GALNT10: variants seen among roughly 807,000 people sequenced by gnomAD.
GALNT10 encodes the protein GalNAc transferase 10.
A neutral mutation model predicts 75.0 loss-of-function variants in GALNT10; 41 were observed. The ratio of observed to expected loss-of-function variants is 0.55; its 90% CI spans 0.43 to 0.71. The LOEUF (loss-of-function observed/expected upper bound fraction) is 0.71. GALNT10 is among the 30% of genes least tolerant of loss of function. The probability of loss-of-function intolerance (pLI) is 0.00; values close to 1 mark genes in which losing one functional copy is unlikely to be tolerated. For missense variants in GALNT10, 727 were observed against 818.5 expected (o/e 0.89, Z 1.36); for synonymous variants, 302 against 313.0 (o/e 0.96, Z 0.37).
chr5:154,238,897 CT>C (rs1753289603), intron 1 of GALNT10, among the ~76,000 whole-genome samples: 3 of 152,168 alleles, frequency 2.0e-5, no homozygotes, highest in Admixed American at 2.0e-4. Context: ...GTTCGGCAAA[CT>C]TTGTATTTGA....
In GALNT10 at chr5:154,402,268, T is replaced by C. The variant is rs537365698; in HGVS notation, c.1057-1836T>C. Among the ~76,000 whole-genome samples, 2 of 152,310 alleles carry C rather than the reference T, an allele frequency of 1.3e-5. No individual in the cohort carries two copies. Among genetic ancestry groups the C allele is most frequent in the East Asian group, 3.9e-4 (2 of 5,178 alleles). ...TTTCTCCCTCTGCTCCTGCCCTGGCTTTCTTTTTGATTATGCCAAGCTTGG... is the reference window on the plus strand; with the variant it reads ...TTTCTCCCTCTGCTCCTGCCCTGGCCTTCTTTTTGATTATGCCAAGCTTGG... On this transcript the variant is annotated intron_variant, in intron 7 of 11. Transcript: ENST00000297107. The surrounding 1 kb of genome is among the most constrained non-coding windows in gnomAD (Gnocchi z 4.2).
chr5:154,305,474 T>G (rs1241982904), intron 3 of GALNT10, among the ~76,000 whole-genome samples: 1 of 152,188 alleles, frequency 6.6e-6, no homozygotes, highest in Non-Finnish European at 1.5e-5. Context: ...AGAAACACAC[T>G]TTAAATGTAG....
At chr5:154,197,918 C>A (rs947977584) in intron 1 of GALNT10, among the ~76,000 whole-genome samples, 1 of 152,134 alleles carries the variant, frequency 6.6e-6, no homozygotes, top group Non-Finnish European at 1.5e-5. Context: ...AGTGCTGAGT[C>A]CTTAACCACC....
chr5:154,412,837 TG>T lies in GALNT10; in HGVS notation c.1387-49del. 8.1e-7 allele frequency: 1 copy of T among 1,232,812 alleles called. No individual in the cohort carries two copies. The highest frequency in any genetic ancestry group is 1.2e-6 in the Non-Finnish European group (1 of 833,626). The allele number at this position is 1,232,812 out of a possible 1,614,324, so 76.4% of individuals were successfully genotyped here. A position where few individuals can be genotyped will look rare whatever the true frequency, so the allele number is the denominator to read the frequency against. On this transcript the variant is annotated intron_variant, in intron 9 of 11. Coordinates refer to ENST00000297107, the MANE Select transcript of GALNT10 (RefSeq NM_198321.4). This position sits in a 1 kb window ranked among gnomAD's most constrained non-coding sequence, Gnocchi z 4.2. ...CCCCTTTCACCTGGCAGGGACCCGGTGGGCACCTTAAGGCACCTCAGTGGTC... is the reference window on the plus strand; with the variant it reads ...CCCCTTTCACCTGGCAGGGACCCGGTGGCACCTTAAGGCACCTCAGTGGTC...
chr5:154,390,287 T>A lies in GALNT10; in HGVS notation c.1056+3857T>A, dbSNP rs1755873587. Reference sequence around the variant, plus strand: ...TGGCCCCCCATGTCTCTCGCCTGAGTCACTAATTCCATCAAAGATAAATGA... The same window carrying A: ...TGGCCCCCCATGTCTCTCGCCTGAGACACTAATTCCATCAAAGATAAATGA... On this transcript the variant is annotated intron_variant, in intron 7 of 11. Coordinates refer to ENST00000297107, the MANE Select transcript of GALNT10 (RefSeq NM_198321.4). 3.2e-5 allele frequency among the ~76,000 whole-genome samples: 3 copies of A among 94,594 alleles called. No individual in the cohort carries two copies. In the Admixed American group the frequency reaches 3.2e-4, roughly 10 times the overall value. The allele number at this position is 94,594 out of a possible 152,430, so 62.1% of individuals were successfully genotyped here. A position where few individuals can be genotyped will look rare whatever the true frequency, so the allele number is the denominator to read the frequency against.
intron 3 of GALNT10, among the ~76,000 whole-genome samples, chr5:154,307,078 A>G (rs1754445536): frequency 6.6e-6 from 1 of 152,354 alleles, no homozygotes; most frequent in African/African-American, 2.4e-5. Flanking sequence ...TAGATTCTAT[A>G]ACTATTAAGA....
In GALNT10 at chr5:154,381,237, C is replaced by G. The variant is rs149558882; in HGVS notation, c.938+606C>G. ...AGGGGAGGGTGATGGGCTGGACTCA[C>G]AGCATCCTAGAATGTGAAGGCTGGA... On this transcript the variant is annotated intron_variant, in intron 6 of 11. Transcript: ENST00000297107. Among the ~76,000 whole-genome samples, 295 of 152,280 alleles carry G rather than the reference C, an allele frequency of 1.9e-3. 1 individual carries two copies. The highest frequency in any genetic ancestry group is 6.7e-3 in the African/African-American group (278 of 41,554).
rs1479840493 is a variant in GALNT10, at chr5:154,402,445, C to T, written c.1057-1659C>T. Among the ~76,000 whole-genome samples, 2 of 152,248 alleles carry T rather than the reference C, an allele frequency of 1.3e-5. No individual in the cohort carries two copies. The highest frequency in any genetic ancestry group is 4.8e-5 in the African/African-American group (2 of 41,464). On this transcript the variant is annotated intron_variant, in intron 7 of 11. Coordinates refer to ENST00000297107, the MANE Select transcript of GALNT10 (RefSeq NM_198321.4). The surrounding 1 kb of genome is among the most constrained non-coding windows in gnomAD (Gnocchi z 4.2). ...AGCATCTCTCACATCCCATACACCC[C>T]TACAACGAATCTATGCAATGGCCCT...
chr5:154,345,802 A>AT lies in GALNT10; in HGVS notation c.568+16078dup, dbSNP rs35697160. On this transcript the variant is annotated intron_variant, in intron 4 of 11. Coordinates refer to ENST00000297107, the MANE Select transcript of GALNT10 (RefSeq NM_198321.4). Reference sequence around the variant, plus strand: ...AGGCCTGCACCACTACACCCGGCGAATTTTTTTTTTTTTTGTATTTTTTGT... The same window carrying AT: ...AGGCCTGCACCACTACACCCGGCGAATTTTTTTTTTTTTTTGTATTTTTTGT... Among the ~76,000 whole-genome samples the AT allele has an allele frequency of 3.3e-3, 455 of 139,796 alleles. 8 individuals carry two copies. The highest frequency in any genetic ancestry group is 0.01 in the African/African-American group (380 of 37,684). 91.7% of individuals were successfully genotyped at this position (139,796 alleles called of 152,430 possible). A position where few individuals can be genotyped will look rare whatever the true frequency, so the allele number is the denominator to read the frequency against.
At chr5:154,340,529 T>C (rs1019545060) in intron 4 of GALNT10, among the ~76,000 whole-genome samples, 1 of 152,184 alleles carries the variant, frequency 6.6e-6, no homozygotes, top group African/African-American at 2.4e-5. Context: ...ATATGTCTAA[T>C]AGGTATGTTC....
chr5:154,308,048 CT>C (rs35746054), intron 3 of GALNT10, among the ~76,000 whole-genome samples: 59,080 of 143,646 alleles, frequency 0.41, 12,522 homozygotes, highest in Middle Eastern at 0.45. Flanking sequence ...TATCTGGTAT[CT>C]TTTTTTTTTA....
At chr5:154,286,385 GTT>G (rs57576993) in intron 1 of GALNT10, among the ~76,000 whole-genome samples, 24,861 of 139,048 alleles carry the variant, frequency 0.18, 2,163 homozygotes, top group African/African-American at 0.2. Flanking sequence ...GAGTCGATTT[GTT>G]TTTTTTTTTT....
Position 154,412,746 on chromosome 5 carries a change from C to A in GALNT10, c.1387-143C>A, listed in dbSNP as rs1756424328. Reference sequence around the variant, plus strand: ...ATTGAGAGGCTCAAGGTACTTCCAACAGCCCAGGGCAAGCTTTATCAAGAC... The same window carrying A: ...ATTGAGAGGCTCAAGGTACTTCCAAAAGCCCAGGGCAAGCTTTATCAAGAC... On this transcript the variant is annotated intron_variant, in intron 9 of 11. Coordinates refer to ENST00000297107, the MANE Select transcript of GALNT10 (RefSeq NM_198321.4). The surrounding 1 kb of genome is among the most constrained non-coding windows in gnomAD (Gnocchi z 4.2). The A allele has an allele frequency of 1.4e-6, 1 of 707,398 alleles. No individual in the cohort carries two copies. The highest frequency in any genetic ancestry group is 2.0e-5 in the Admixed American group (1 of 51,248). 43.8% of individuals were successfully genotyped at this position (707,398 alleles called of 1,614,324 possible). A position where few individuals can be genotyped will look rare whatever the true frequency, so the allele number is the denominator to read the frequency against.
chr5:154,413,533 G>A (rs1290532279), intron 10 of GALNT10, among the ~76,000 whole-genome samples: 1 of 152,210 alleles, frequency 6.6e-6, no homozygotes, highest in Non-Finnish European at 1.5e-5. Context: ...GGTGATGGGT[G>A]TGTTCATTAC....
chr5:154,194,664 C>T (rs1430415638), intron 1 of GALNT10, among the ~76,000 whole-genome samples: 1 of 152,212 alleles, frequency 6.6e-6, no homozygotes, highest in Admixed American at 6.5e-5. Flanking sequence ...TTGGATTCCT[C>T]ATCTGCTAAG....
intron 1 of GALNT10, among the ~76,000 whole-genome samples, chr5:154,219,314 G>A (rs1752932948): frequency 6.6e-6 from 1 of 152,226 alleles, no homozygotes; most frequent in South Asian, 2.1e-4. Context: ...CTCAGCCTGA[G>A]TGGGTTCCTG....
chr5:154,229,554 C>A lies in GALNT10; in HGVS notation c.159+38529C>A, dbSNP rs1753115287. On this transcript the variant is annotated intron_variant, in intron 1 of 11. Transcript: ENST00000297107. ...CCATCTTGGCTAACATGGTGAAACC[C>A]CATCTCTACTAAAAATACAAAAAAA... 2.0e-5 allele frequency among the ~76,000 whole-genome samples: 3 copies of A among 151,670 alleles called. No individual in the cohort carries two copies. The South Asian group carries it at 6.3e-4, about 32-fold the overall frequency.
At chr5:154,253,241 A>G (rs943251791) in intron 1 of GALNT10, among the ~76,000 whole-genome samples, 1 of 151,796 alleles carries the variant, frequency 6.6e-6, no homozygotes, top group Non-Finnish European at 1.5e-5. Flanking sequence ...AGTCCTTTGT[A>G]GGGACATGGA....
intron 4 of GALNT10, among the ~76,000 whole-genome samples, chr5:154,372,662 G>C (rs1481745882): frequency 2.0e-5 from 3 of 152,204 alleles, no homozygotes; most frequent in Admixed American, 2.0e-4. Context: ...AGCCAGCATG[G>C]AGCATGTGCT....
Sources: allele counts gnomAD v4.1 joint callset (sites outside exome capture counted in the v4.1 genomes callset), GRCh38; gene constraint gnomAD v4.1.1; non-coding constraint Gnocchi (gnomAD v3.1); transcripts MANE v1.5; gene names NCBI Gene and HGNC (gene_info 2026-07-23, HGNC 2026-07-21).